Variants in KLHL13 observed in about 807,000 individuals in gnomAD.
KLHL13 encodes the protein kelch-like protein 13.
KLHL13 carries 10 observed loss-of-function variants against 37.1 expected under a neutral mutation model. The observed-to-expected ratio is 0.27, with a 90% CI of 0.17 to 0.46. The LOEUF (loss-of-function observed/expected upper bound fraction) is 0.46. KLHL13 is among the 20% of genes least tolerant of loss of function. KLHL13 has a pLI of 1.00. For synonymous variants in KLHL13, 163 were observed against 181.2 expected (o/e 0.90, Z 0.81); for missense variants, 360 against 509.3 (o/e 0.71, Z 2.82).
chrX:117,912,868 A>T (rs1445556657), intron 4 of KLHL13, among the ~76,000 whole-genome samples: 1 of 112,076 alleles, frequency 8.9e-6, no homozygotes, highest in African/African-American at 3.2e-5. Flanking sequence ...ACAAAGGCTA[A>T]ATACTACAAG....
chrX:117,904,635 G>T (rs1026784599), intron 5 of KLHL13, among the ~76,000 whole-genome samples: 2 of 112,091 alleles, frequency 1.8e-5, no homozygotes, highest in African/African-American at 6.5e-5. Flanking sequence ...AGACTATTTT[G>T]TAACTTATGA....
chrX:117,996,535 G>A (rs1418906406), intron 1 of KLHL13, among the ~76,000 whole-genome samples: 2 of 111,498 alleles, frequency 1.8e-5, no homozygotes, highest in African/African-American at 6.5e-5. Context: ...ACTATTTTCT[G>A]GTAGAGTGTT....
At chrX:117,953,576 A>T (rs1420846728) in intron 1 of KLHL13, among the ~76,000 whole-genome samples, 1 of 111,082 alleles carries the variant, frequency 9.0e-6, no homozygotes, top group African/African-American at 3.3e-5. Flanking sequence ...AAATAAAAAA[A>T]TAAAATAAAA....
intron 5 of KLHL13, among the ~76,000 whole-genome samples, chrX:117,905,173 G>C (rs1270323433): frequency 9.0e-6 from 1 of 111,036 alleles, no homozygotes; most frequent in Non-Finnish European, 1.9e-5. Context: ...ATAAATTTTA[G>C]TAGTTTTATT....
chrX:118,054,036 A>AT (rs2054659035), intron 1 of KLHL13, among the ~76,000 whole-genome samples: 1 of 111,453 alleles, frequency 9.0e-6, no homozygotes, highest in South Asian at 3.7e-4. Context: ...CTTACAAAAG[A>AT]TTTTAAGTGG....
chrX:118,058,297 C>T (rs912839105), intron 1 of KLHL13, among the ~76,000 whole-genome samples: 5 of 110,697 alleles, frequency 4.5e-5, no homozygotes, highest in African/African-American at 1.6e-4. Flanking sequence ...CCCTACTCCC[C>T]CCCTCATTTT....
At chrX:118,092,191 C>T (rs1366728849) in intron 1 of KLHL13, among the ~76,000 whole-genome samples, 1 of 111,391 alleles carries the variant, frequency 9.0e-6, no homozygotes, top group Non-Finnish European at 1.9e-5. Flanking sequence ...ACCACCTGTT[C>T]CTCAAAAACA....
chrX:118,021,797 C>T (rs924918466), intron 1 of KLHL13, among the ~76,000 whole-genome samples: 1 of 111,500 alleles, frequency 9.0e-6, no homozygotes, highest in African/African-American at 3.3e-5. Context: ...GTTCTAGATC[C>T]TTGAGGAATC....
chrX:118,071,877 T>A (rs1469589895), intron 1 of KLHL13, among the ~76,000 whole-genome samples: 1 of 105,629 alleles, frequency 9.5e-6, no homozygotes, highest in Non-Finnish European at 2.0e-5. Flanking sequence ...GTAGGAAGAA[T>A]CAATATCGTG....
At chrX:118,038,951 T>C (rs772786566) in intron 1 of KLHL13, among the ~76,000 whole-genome samples, 3 of 111,924 alleles carry the variant, frequency 2.7e-5, no homozygotes, top group Non-Finnish European at 5.6e-5. Context: ...GCAACTTGCA[T>C]ACTAGCTTAC....
At chrX:118,103,759 G>C (rs1254839551) in intron 1 of KLHL13, among the ~76,000 whole-genome samples, 1 of 110,645 alleles carries the variant, frequency 9.0e-6, no homozygotes, top group Non-Finnish European at 1.9e-5. Flanking sequence ...AGAGATATTT[G>C]GTTTGGTAAC....
chrX:118,065,304 T>C (rs185782225), intron 1 of KLHL13, among the ~76,000 whole-genome samples: 27 of 111,520 alleles, frequency 2.4e-4, no homozygotes, highest in African/African-American at 8.8e-4. Context: ...AAAATTCATT[T>C]TAAAAGGTAA....
intron 1 of KLHL13, among the ~76,000 whole-genome samples, chrX:118,031,167 G>C (rs2054334425): frequency 9.1e-6 from 1 of 110,057 alleles, no homozygotes; most frequent in African/African-American, 3.3e-5. Context: ...AATATTAGGA[G>C]TTTTATGGGA....
In KLHL13 at chrX:117,953,270, T is replaced by C. The variant is rs1157982348; in HGVS notation, c.99-7695A>G. The stretch of plus-strand genomic sequence containing the variant: ...GTCCTTTGTAGGGACATGGATGAAA[T>C]TGGAAATCATCATTCTCAGTAAACT... On this transcript the variant is annotated intron_variant, in intron 1 of 6. Transcript: ENST00000262820. Among the ~76,000 whole-genome samples, 5 of 110,406 alleles carry C rather than the reference T, an allele frequency of 4.5e-5. No homozygotes were observed. The South Asian group carries it at 1.2e-3, about 26-fold the overall frequency.
chrX:118,105,258 G>A (rs1569318944), intron 1 of KLHL13, among the ~76,000 whole-genome samples: 5 of 112,247 alleles, frequency 4.5e-5, no homozygotes, highest in Admixed American at 3.8e-4. Context: ...TTTCTAACAT[G>A]CCTTTTTTAG....
At chrX:118,094,935 C>T (rs1422153330) in intron 1 of KLHL13, among the ~76,000 whole-genome samples, 1 of 111,749 alleles carries the variant, frequency 8.9e-6, no homozygotes, top group African/African-American at 3.2e-5. Flanking sequence ...ACTGCAAAAA[C>T]ATGCCAAATT....
chrX:118,018,144 T>C (rs1344712662), intron 1 of KLHL13, among the ~76,000 whole-genome samples: 1 of 111,827 alleles, frequency 8.9e-6, no homozygotes, highest in African/African-American at 3.2e-5. Context: ...TGATGGATGG[T>C]AGATTACAAG....
At chrX:118,109,858 T>C (rs1203489376) in intron 1 of KLHL13, among the ~76,000 whole-genome samples, 2 of 110,600 alleles carry the variant, frequency 1.8e-5, no homozygotes, top group Non-Finnish European at 1.9e-5. Context: ...ATGTAATTAC[T>C]GGCAACCCCA....
chrX:118,001,286 G>A (rs1419442869), intron 1 of KLHL13, among the ~76,000 whole-genome samples: 2 of 111,615 alleles, frequency 1.8e-5, no homozygotes, highest in East Asian at 5.6e-4. Flanking sequence ...CAGGACTATC[G>A]TAATAGGACC....
Sources: gnomAD v4.1 joint callset for allele counts (sites outside exome capture counted in the v4.1 genomes callset) on GRCh38, gnomAD v4.1.1 for gene constraint, MANE v1.5 for transcripts, NCBI Gene and HGNC (gene_info 2026-07-23, HGNC 2026-07-21) for gene names.